SLC2A9: variants seen among roughly 807,000 people sequenced by gnomAD.
The protein encoded by SLC2A9 is solute carrier family 2 member 9.
Under a neutral mutation model 50.6 loss-of-function variants are expected in SLC2A9, and 39 were observed. The observed-to-expected ratio is 0.77, with a 90% CI of 0.60 to 1.01. The LOEUF is 1.01. Ranked by LOEUF, SLC2A9 falls within the 50% of genes least tolerant of loss-of-function variation. The pLI is 0.00. For synonymous variants in SLC2A9, 324 were observed against 276.9 expected, an observed-to-expected ratio of 1.17 and a Z score of -1.69; for missense variants, 686 against 677.6, an observed-to-expected ratio of 1.01 and a Z score of -0.14.
downstream of SLC2A9, among the ~76,000 whole-genome samples, chr4:9,777,412 T>C (rs939450155): frequency 1.3e-5 from 2 of 152,078 alleles, no homozygotes; most frequent in Non-Finnish European, 2.9e-5. Flanking sequence ...CTAGAAGTTT[T>C]TCTATACTCA....
intron 2 of SLC2A9, among the ~76,000 whole-genome samples, chr4:10,010,731 A>C (rs1187779336): frequency 1.3e-5 from 2 of 152,208 alleles, no homozygotes; most frequent in Non-Finnish European, 2.9e-5. Context: ...ACAAACAGGC[A>C]CCAAGTTCAC....
At chr4:9,940,870 G>C (rs746681142) in intron 6 of SLC2A9, among the ~76,000 whole-genome samples, 1 of 152,164 alleles carries the variant, frequency 6.6e-6, no homozygotes, top group Non-Finnish European at 1.5e-5. Flanking sequence ...TCTTTTCCTG[G>C]ATTTGGACAT....
At chr4:9,931,942 C>CTGTCAA (rs1560328718) in intron 6 of SLC2A9, among the ~76,000 whole-genome samples, 1 of 59,784 alleles carries the variant, frequency 1.7e-5, no homozygotes, top group African/African-American at 1.0e-4. Context: ...CTCTCTCTCT[C>CTGTCAA]TCTCTCTCTC....
chr4:9,969,950 G>A (rs1753630079), intron 5 of SLC2A9, among the ~76,000 whole-genome samples: 1 of 152,208 alleles, frequency 6.6e-6, no homozygotes, highest in African/African-American at 2.4e-5. Context: ...ATAGTGTGTA[G>A]AGACTCACGC....
intron 11 of SLC2A9, 54 bp downstream of exon 11, chr4:9,834,827 G>A (rs1726755062): frequency 1.2e-6 from 2 of 1,613,052 alleles, no homozygotes; most frequent in Admixed American, 1.7e-5. Flanking sequence ...CACCCCTCAA[G>A]TGCTGCAGAA....
At chr4:9,882,488 C>A (rs113633800) in intron 10 of SLC2A9, among the ~76,000 whole-genome samples, 21 of 152,146 alleles carry the variant, frequency 1.4e-4, no homozygotes, top group African/African-American at 4.1e-4. Flanking sequence ...GCAGGCGGAT[C>A]ACGAGGTCAG....
rs28579290 is a variant in SLC2A9, at chr4:9,928,523, G to T, written c.815-7951C>A. On this transcript the variant is annotated intron_variant, in intron 6 of 11. Coordinates refer to ENST00000264784, the MANE Select transcript of SLC2A9 (RefSeq NM_020041.3). ...AAGGCAGGCAGATCACCCGAGGTCA[G>T]GAGTTTGAGACCAGCCTGGCCAACG... Among the ~76,000 whole-genome samples, 1,122 of 152,328 alleles carry T rather than the reference G, an allele frequency of 7.4e-3. 7 individuals are homozygous for T. The highest frequency in any genetic ancestry group is 0.044 in the Middle Eastern group (13 of 294).
intron 10 of SLC2A9, chr4:9,880,233 G>A (rs1265522237): frequency 2.0e-6 from 2 of 985,346 alleles, no homozygotes; most frequent in Non-Finnish European, 2.4e-6. Flanking sequence ...CACTCTCAAT[G>A]TGAGTTTAAA....
intron 3 of SLC2A9, among the ~76,000 whole-genome samples, chr4:9,787,397 C>T (rs1250206494): frequency 6.6e-6 from 1 of 152,158 alleles, no homozygotes; most frequent in Non-Finnish European, 1.5e-5. Flanking sequence ...TTACAGAAAC[C>T]TTGCAACACG....
At position 9,782,768 on chromosome 4, in the gene SLC2A9, C is replaced by T. The variant is rs762703888; in HGVS notation, n.386-2703G>A. On this transcript the variant is annotated intron_variant and non_coding_transcript_variant, in intron 3 of 3. Transcript: ENST00000503803. ...TGCCATCATGATCGTGACCTACACG[C>T]GCATCTACCGCATCGCCCAGGTGCA... 8.7e-6 allele frequency: 14 copies of T among 1,614,042 alleles called. No individual in the cohort carries two copies. The South Asian group carries it at 8.8e-5, about 10-fold the overall frequency.
rs780919277 is a variant in SLC2A9 at position 9,920,490 on chromosome 4, G to A, written c.897C>T (p.Ile299=). 4 of 1,614,074 alleles carry A rather than the reference G, an allele frequency of 2.5e-6. No individual in the cohort carries two copies. The highest frequency in any genetic ancestry group is 3.4e-6 in the Non-Finnish European group (4 of 1,180,038). The part of the protein sequence containing the change: ...VLAESRVQRS[I]RLVSVLELLR... ...GCAGCTCCAGCACGGACACCAGGCG[G>A]ATGCTCCTCTGCACGCGGCTCTCAG... is the stretch of plus-strand genomic sequence containing the variant. Residue 299 remains isoleucine (I), a synonymous_variant, in exon 7 of 12, where the codon ATC becomes ATT. Coordinates refer to ENST00000264784, the MANE Select transcript of SLC2A9 (RefSeq NM_020041.3).
intron 10 of SLC2A9, among the ~76,000 whole-genome samples, chr4:9,858,445 G>A (rs148295807): frequency 1.1e-4 from 16 of 152,162 alleles, no homozygotes; most frequent in African/African-American, 3.6e-4. Context: ...GTTTATCAGG[G>A]TTTTTCCTTT....
Position 9,996,839 on chromosome 4 carries a change from C to T in SLC2A9, c.352G>A (p.Ala118Thr), listed in dbSNP as rs754171007. Reference protein sequence around the residue: ...LLWSVTVSIFAIGGLVGTLIV... With the variant: ...LLWSVTVSIFTIGGLVGTLIV... ...AACGTCCCCACAAGTCCACCGATGGCGAATATGGACACAGTCACAGACCAG... is the reference window on the plus strand; with the variant it reads ...AACGTCCCCACAAGTCCACCGATGGTGAATATGGACACAGTCACAGACCAG... Residue 118 changes from alanine to threonine, a missense_variant, in exon 3 of 12, where the codon GCC becomes ACC. Physicochemically the swap from Ala to Thr is moderately conservative, Grantham distance 58. Coordinates refer to ENST00000264784, the MANE Select transcript of SLC2A9 (RefSeq NM_020041.3). The T allele has an allele frequency of 1.5e-5, 25 of 1,614,040 alleles. No homozygotes were observed. In the Admixed American group the frequency reaches 3.0e-4, roughly 19 times the overall value.
chr4:9,948,573 C>T (rs1435265933), intron 5 of SLC2A9, among the ~76,000 whole-genome samples: 1 of 152,206 alleles, frequency 6.6e-6, no homozygotes, highest in Non-Finnish European at 1.5e-5. Context: ...GTTTCCTCCA[C>T]CAAGGCTACC....
At chr4:9,774,418 G>T (rs1472795587) in intron 1 of SLC2A9, among the ~76,000 whole-genome samples, 3 of 152,166 alleles carry the variant, frequency 2.0e-5, no homozygotes, top group Non-Finnish European at 4.4e-5. Flanking sequence ...CTCTGTTAGG[G>T]TCGTGCTTCC....
intron 6 of SLC2A9, among the ~76,000 whole-genome samples, chr4:9,936,861 T>C (rs1747179378): frequency 6.6e-6 from 1 of 152,172 alleles, no homozygotes; most frequent in Non-Finnish European, 1.5e-5. Context: ...GTGCTGTTGT[T>C]TTTGAGAAAA....
intron 6 of SLC2A9, among the ~76,000 whole-genome samples, chr4:9,925,661 G>A (rs1472387682): frequency 6.6e-6 from 1 of 152,190 alleles, no homozygotes; most frequent in Non-Finnish European, 1.5e-5. Context: ...AACAATTATT[G>A]TTATTTTATT....
upstream of SLC2A9, among the ~76,000 whole-genome samples, chr4:10,023,099 G>C (rs1210716107): frequency 1.3e-5 from 2 of 152,236 alleles, no homozygotes; most frequent in Non-Finnish European, 2.9e-5. Context: ...GGACAGTGTG[G>C]AGGAGGCACC....
chr4:9,953,131 C>T (rs975866905), intron 5 of SLC2A9, among the ~76,000 whole-genome samples: 3 of 152,180 alleles, frequency 2.0e-5, no homozygotes, highest in Non-Finnish European at 4.4e-5. Flanking sequence ...TTAGGAGGTT[C>T]GGATCGCATC....
Sources: allele counts gnomAD v4.1 joint callset (sites outside exome capture counted in the v4.1 genomes callset), GRCh38; gene constraint gnomAD v4.1.1; transcripts MANE v1.5; gene names NCBI Gene and HGNC (gene_info 2026-07-23, HGNC 2026-07-21).